The following ROBO2 variants were observed in gnomAD, a reference collection of about 807,000 sequenced individuals.
The protein encoded by ROBO2 is roundabout homolog 2.
A neutral mutation model predicts 160.8 loss-of-function variants in ROBO2; 53 were observed. The observed-to-expected ratio is 0.33, with a 90% CI of 0.26 to 0.41. The LOEUF (loss-of-function observed/expected upper bound fraction) is 0.41. Among genes scored for constraint, ROBO2 ranks in the 10% least tolerant of loss-of-function variants. The pLI is 1.00. For synonymous variants in ROBO2, 664 were observed against 611.7 expected (o/e 1.09, Z -1.26); for missense variants, 1,577 against 1,722.4 (o/e 0.92, Z 1.49).
intron 2 of ROBO2, among the ~76,000 whole-genome samples, chr3:76,851,726 A>G (rs1266314023): frequency 7.9e-6 from 1 of 126,854 alleles, no homozygotes; most frequent in Non-Finnish European, 1.6e-5. Context: ...TGGGCGACAG[A>G]GCGAGACTCC....
intron 20 of ROBO2, chr3:77,603,186 G>A (rs1360952808): frequency 2.5e-6 from 1 of 406,610 alleles, no homozygotes; most frequent in Non-Finnish European, 5.0e-6. Context: ...AATGACAACA[G>A]TTTATGCTAA....
chr3:76,952,346 G>A (rs1446264836), intron 2 of ROBO2, among the ~76,000 whole-genome samples: 3 of 151,974 alleles, frequency 2.0e-5, no homozygotes, highest in African/African-American at 4.8e-5. Context: ...GCAATGGCAC[G>A]ATCTTGGCTC....
chr3:76,036,307 G>A (rs1045500791), intron 2 of ROBO2, among the ~76,000 whole-genome samples: 2 of 149,778 alleles, frequency 1.3e-5, no homozygotes, highest in African/African-American at 4.9e-5. Flanking sequence ...CTGCCACCAC[G>A]CCCAGTTAAT....
intron 2 of ROBO2, among the ~76,000 whole-genome samples, chr3:77,375,792 C>A (rs1176187690): frequency 1.3e-5 from 2 of 149,760 alleles, no homozygotes; most frequent in African/African-American, 2.4e-5. Context: ...TGCAGCCCTA[C>A]CCCTTTCCCA....
intron 2 of ROBO2, among the ~76,000 whole-genome samples, chr3:77,162,996 AT>A (rs66968364): frequency 0.46 from 68,226 of 148,962 alleles, 15,864 homozygotes; most frequent in Middle Eastern, 0.6. Context: ...TGCCCAGCTA[AT>A]TTTTTTTTTT....
At chr3:76,090,731 G>A (rs889942303) in intron 2 of ROBO2, among the ~76,000 whole-genome samples, 3 of 152,134 alleles carry the variant, frequency 2.0e-5, no homozygotes, top group Non-Finnish European at 2.9e-5. Context: ...TCGTGTTGGT[G>A]AAAGAACAGA....
chr3:76,228,118 T>C (rs1408981274), intron 2 of ROBO2, among the ~76,000 whole-genome samples: 1 of 152,200 alleles, frequency 6.6e-6, no homozygotes, highest in Non-Finnish European at 1.5e-5. Flanking sequence ...TTTAAAAACA[T>C]GTAAAATATC....
intron 2 of ROBO2, among the ~76,000 whole-genome samples, chr3:77,224,195 G>C (rs1478855652): frequency 6.6e-6 from 1 of 151,962 alleles, no homozygotes; most frequent in African/African-American, 2.4e-5. Flanking sequence ...TGAGAAGACA[G>C]CTTCTTCACT....
chr3:77,596,692 C>T (rs1320077880), exon 19 of ROBO2: 2 of 1,613,764 alleles, frequency 1.2e-6, no homozygotes, highest in African/African-American at 1.3e-5. Flanking sequence ...CAGCCACGAG[C>T]TTGCCAGTAA....
intron 13 of ROBO2, among the ~76,000 whole-genome samples, chr3:77,568,975 G>A (rs543404657): frequency 1.5e-4 from 23 of 152,038 alleles, no homozygotes; most frequent in African/African-American, 4.6e-4. Flanking sequence ...ATGTGGTAGC[G>A]CGTATCAGGG....
chr3:76,798,174 G>GAGAA (rs1449957549), intron 2 of ROBO2, among the ~76,000 whole-genome samples: 1 of 119,040 alleles, frequency 8.4e-6, no homozygotes, highest in Non-Finnish European at 1.8e-5. Context: ...AAGAAAGGGA[G>GAGAA]AGAAAGAAAG....
chr3:76,686,902 A>C (rs2092698053), intron 2 of ROBO2, among the ~76,000 whole-genome samples: 1 of 152,080 alleles, frequency 6.6e-6, no homozygotes, highest in South Asian at 2.1e-4. Context: ...TGCCCATTTG[A>C]CTATATATTT....
At chr3:76,826,124 A>T (rs1022605832) in intron 2 of ROBO2, among the ~76,000 whole-genome samples, 1 of 151,674 alleles carries the variant, frequency 6.6e-6, no homozygotes, top group African/African-American at 2.4e-5. Flanking sequence ...ATTCTAAACT[A>T]ATTTTTGTAT....
chr3:77,006,325 G>GTA (rs1322599996), intron 2 of ROBO2, among the ~76,000 whole-genome samples: 1 of 151,628 alleles, frequency 6.6e-6, no homozygotes, highest in African/African-American at 2.4e-5. Context: ...GTGTGTGTGT[G>GTA]TGTGTGTGTG....
intron 2 of ROBO2, among the ~76,000 whole-genome samples, chr3:76,782,105 T>C (rs557198822): frequency 6.6e-6 from 1 of 150,862 alleles, no homozygotes; most frequent in Non-Finnish European, 1.5e-5. Context: ...TGTAAGTTTT[T>C]AGGAATTCAT....
intron 2 of ROBO2, among the ~76,000 whole-genome samples, chr3:75,975,038 T>A (rs1292252459): frequency 1.3e-5 from 2 of 151,306 alleles, no homozygotes; most frequent in South Asian, 2.1e-4. Context: ...TCACAATGGC[T>A]AAAAAAAATT....
At chr3:76,753,563 A>T (rs1035201783) in intron 2 of ROBO2, among the ~76,000 whole-genome samples, 18 of 152,000 alleles carry the variant, frequency 1.2e-4, no homozygotes, top group Middle Eastern at 3.4e-3. Flanking sequence ...TTGTTTGAGC[A>T]TTATCTAAAA....
At chr3:76,847,455 A>G (rs926972932) in intron 2 of ROBO2, among the ~76,000 whole-genome samples, 1 of 152,212 alleles carries the variant, frequency 6.6e-6, no homozygotes, top group Non-Finnish European at 1.5e-5. Flanking sequence ...GACTATTGAG[A>G]GAGAACTGGT....
chr3:76,119,423 T>A (rs367865967), intron 2 of ROBO2, among the ~76,000 whole-genome samples: 1 of 152,088 alleles, frequency 6.6e-6, no homozygotes, highest in East Asian at 1.9e-4. Flanking sequence ...CCAGTGAGAT[T>A]ATGACTCACC....
Sources: gnomAD v4.1 joint callset for allele counts (sites outside exome capture counted in the v4.1 genomes callset) on GRCh38, gnomAD v4.1.1 for gene constraint, MANE v1.5 for transcripts, NCBI Gene and HGNC (gene_info 2026-07-23, HGNC 2026-07-21) for gene names.